Variants in SLC71A1 observed in about 807,000 individuals in gnomAD.
SLC71A1 encodes hippocampus abundant gene transcript 1.
chr1:100,047,825 T>G, the SLC71A1 span, among the ~76,000 whole-genome samples: 4 of 152,194 alleles, frequency 2.6e-5, no homozygotes, highest in African/African-American at 9.7e-5. Flanking sequence ...CCATAGTTTA[T>G]TTTGTTTTTC....
At chr1:100,069,636 G>T in the SLC71A1 span, 3 of 1,612,254 alleles carry the variant, frequency 1.9e-6, no homozygotes, top group Non-Finnish European at 2.5e-6. Flanking sequence ...TCACCAGAAA[G>T]TGTTGCAGCG....
At chr1:100,075,444 A>G in the SLC71A1 span, among the ~76,000 whole-genome samples, 1 of 152,212 alleles carries the variant, frequency 6.6e-6, no homozygotes, top group South Asian at 2.1e-4. Context: ...GGATGTTCTT[A>G]AAAGTAGTTT....
the SLC71A1 span, among the ~76,000 whole-genome samples, chr1:100,047,952 G>A: frequency 6.6e-6 from 1 of 152,090 alleles, no homozygotes; most frequent in Non-Finnish European, 1.5e-5. Flanking sequence ...TAAACAATGT[G>A]ATATCACTTA....
the SLC71A1 span, among the ~76,000 whole-genome samples, chr1:100,073,739 A>C: frequency 1.3e-5 from 2 of 152,238 alleles, no homozygotes. Flanking sequence ...TGGTCTTATT[A>C]GGAATTTGGC....
At chr1:100,074,548 C>T in the SLC71A1 span, among the ~76,000 whole-genome samples, 2 of 148,946 alleles carry the variant, frequency 1.3e-5, no homozygotes, top group African/African-American at 2.5e-5. Flanking sequence ...CACAGCACTC[C>T]AGCCTGGGCA....
chr1:100,050,181 T>G, the SLC71A1 span, among the ~76,000 whole-genome samples: 2 of 152,096 alleles, frequency 1.3e-5, no homozygotes, highest in African/African-American at 4.8e-5. Context: ...TACCTTTTTT[T>G]GGGAGGGGGG....
the SLC71A1 span, among the ~76,000 whole-genome samples, chr1:100,052,569 C>G: frequency 6.6e-6 from 1 of 151,024 alleles, no homozygotes; most frequent in East Asian, 1.9e-4. Context: ...GTAGCTGGGA[C>G]TACAGGCACA....
At chr1:100,052,454 A>G in the SLC71A1 span, among the ~76,000 whole-genome samples, 12 of 109,138 alleles carry the variant, frequency 1.1e-4, no homozygotes, top group African/African-American at 4.5e-4. Flanking sequence ...TTTGAGACGG[A>G]GTCTCGCTCT....
At chr1:100,043,756 G>A in the SLC71A1 span, among the ~76,000 whole-genome samples, 1 of 152,082 alleles carries the variant, frequency 6.6e-6, no homozygotes, top group Non-Finnish European at 1.5e-5. Flanking sequence ...TTAGTCTTAC[G>A]CCTTTGCGTC....
chr1:100,043,236 T>C, the SLC71A1 span: 1 of 942,910 alleles, frequency 1.1e-6, no homozygotes, highest in South Asian at 4.9e-5. Flanking sequence ...TCAGGTAACA[T>C]TCTGACAAGT....
At chr1:100,081,954 T>A in the SLC71A1 span, 1 of 1,411,406 alleles carries the variant, frequency 7.1e-7, no homozygotes. Context: ...TTTCTCCTTA[T>A]GAGTAAAAGT....
chr1:100,042,789 T>A, the SLC71A1 span, among the ~76,000 whole-genome samples: 4 of 152,090 alleles, frequency 2.6e-5, no homozygotes, highest in Admixed American at 1.3e-4. Flanking sequence ...TGTATTTTTT[T>A]AGTAGAGACC....
the SLC71A1 span, among the ~76,000 whole-genome samples, chr1:100,045,600 T>C: frequency 6.6e-6 from 1 of 152,234 alleles, no homozygotes; most frequent in Non-Finnish European, 1.5e-5. Context: ...TACAAGCATA[T>C]GTTGATACAG....
chr1:100,076,657 A>T, the SLC71A1 span, among the ~76,000 whole-genome samples: 1 of 152,224 alleles, frequency 6.6e-6, no homozygotes, highest in African/African-American at 2.4e-5. Context: ...AGTCTGCTGT[A>T]TAGTATACTG....
chr1:100,048,842 A>G, the SLC71A1 span, among the ~76,000 whole-genome samples: 2 of 152,310 alleles, frequency 1.3e-5, no homozygotes, highest in East Asian at 1.9e-4. Context: ...TCAAGTAAAG[A>G]GGGCAGTTTT....
the SLC71A1 span, among the ~76,000 whole-genome samples, chr1:100,060,676 T>A: frequency 6.6e-6 from 1 of 151,970 alleles, no homozygotes; most frequent in Non-Finnish European, 1.5e-5. Flanking sequence ...TTGCATTTCT[T>A]TGGTCAGATT....
the SLC71A1 span, chr1:100,038,253 G>T: frequency 6.4e-7 from 1 of 1,559,750 alleles, no homozygotes; most frequent in Non-Finnish European, 8.7e-7. Context: ...GGAAGAAGAA[G>T]AAACGGGCCG....
At chr1:100,071,968 C>T in the SLC71A1 span, among the ~76,000 whole-genome samples, 2 of 152,226 alleles carry the variant, frequency 1.3e-5, no homozygotes, top group Non-Finnish European at 2.9e-5. Context: ...CGCAAAGGTG[C>T]AAGCAACCCT....
the SLC71A1 span, among the ~76,000 whole-genome samples, chr1:100,071,052 A>G: frequency 1.2e-4 from 18 of 152,154 alleles, no homozygotes; most frequent in Admixed American, 6.5e-4. Flanking sequence ...AAAAATCATC[A>G]GTCTGGAAAA....
Sources: gnomAD v4.1 joint callset for allele counts (sites outside exome capture counted in the v4.1 genomes callset) on GRCh38, gnomAD v4.1.1 for gene constraint, MANE v1.5 for transcripts, NCBI Gene and HGNC (gene_info 2026-07-23, HGNC 2026-07-21) for gene names.